RAD51B: variants seen among roughly 807,000 people sequenced by gnomAD.
The protein encoded by RAD51B is RAD51 paralog B.
A neutral mutation model predicts 42.2 loss-of-function variants in RAD51B; 38 were observed. The ratio of observed to expected loss-of-function variants is 0.90; its 90% CI spans 0.70 to 1.18. RAD51B has a LOEUF of 1.18. Ranked by LOEUF, RAD51B falls within the 50% of genes most tolerant of loss-of-function variation. The probability of loss-of-function intolerance (pLI) is 0.00; values close to 1 mark genes in which losing one functional copy is unlikely to be tolerated. For synonymous variants in RAD51B, 154 were observed against 145.2 expected (o/e 1.06, Z -0.43); for missense variants, 373 against 400.7 (o/e 0.93, Z 0.59).
At chr14:67,909,443 G>A (rs115064514) in intron 7 of RAD51B, among the ~76,000 whole-genome samples, 1,546 of 152,232 alleles carry the variant, frequency 0.01, 27 homozygotes, top group African/African-American at 0.035. Flanking sequence ...AAAACTTATT[G>A]CAGACTTTAA....
chr14:68,564,687 C>T (rs1889334681), intron 10 of RAD51B, among the ~76,000 whole-genome samples: 2 of 152,208 alleles, frequency 1.3e-5, no homozygotes, highest in African/African-American at 4.8e-5. Flanking sequence ...TTCCCAAGAG[C>T]CCAGGAGAGG....
chr14:68,548,269 C>T (rs987848679), intron 10 of RAD51B, among the ~76,000 whole-genome samples: 2 of 152,214 alleles, frequency 1.3e-5, no homozygotes, highest in Non-Finnish European at 2.9e-5. Flanking sequence ...CCTCACTCTC[C>T]CGCTGTGGCT....
At chr14:68,525,696 A>C (rs1886878710) in intron 10 of RAD51B, among the ~76,000 whole-genome samples, 1 of 152,146 alleles carries the variant, frequency 6.6e-6, no homozygotes, top group Non-Finnish European at 1.5e-5. Flanking sequence ...GCATTACAAC[A>C]AGCTGCTTTT....
intron 9 of RAD51B, among the ~76,000 whole-genome samples, chr14:68,423,465 A>G (rs909378432): frequency 2.0e-5 from 3 of 152,182 alleles, no homozygotes; most frequent in Admixed American, 1.3e-4. Context: ...GGTGGGTATT[A>G]CTAGATATAC....
At chr14:68,027,631 A>G (rs1327115333) in intron 7 of RAD51B, among the ~76,000 whole-genome samples, 3 of 152,126 alleles carry the variant, frequency 2.0e-5, no homozygotes, top group Admixed American at 2.0e-4. Context: ...TCCACTGTTA[A>G]TACTTCCAAT....
chr14:67,865,102 G>GTGTA lies in RAD51B; in HGVS notation c.416_419dup (p.Ile141ValfsTer3). The stretch of plus-strand genomic sequence containing the variant: ...CATGGGAGGATTAGAAGGAGCTGTG[G>GTGTA]TGTACATTGACACAGAGTCTGCATT... On this transcript the variant is annotated frameshift_variant, in exon 5 of 11. Coordinates refer to ENST00000471583, the MANE Select transcript of RAD51B (RefSeq NM_133510.4). LOFTEE classifies it high-confidence loss of function. 1 of 1,602,424 alleles carries GTGTA rather than the reference G, an allele frequency of 6.2e-7. No homozygotes were observed. Among genetic ancestry groups the GTGTA allele is most frequent in the South Asian group, 1.1e-5 (1 of 90,094 alleles).
intron 8 of RAD51B, among the ~76,000 whole-genome samples, chr14:68,333,750 A>C (rs1304410020): frequency 6.6e-6 from 1 of 152,238 alleles, no homozygotes; most frequent in African/African-American, 2.4e-5. Context: ...TAATTAAACA[A>C]ATGTATTGAT....
chr14:68,390,379 G>A (rs540248985), intron 8 of RAD51B, among the ~76,000 whole-genome samples: 1 of 152,142 alleles, frequency 6.6e-6, no homozygotes, highest in Non-Finnish European at 1.5e-5. Flanking sequence ...TCACATTTGG[G>A]GTCTTCATCC....
At chr14:68,091,644 G>A (rs986655218) in intron 7 of RAD51B, among the ~76,000 whole-genome samples, 1 of 152,032 alleles carries the variant, frequency 6.6e-6, no homozygotes, top group South Asian at 2.1e-4. Context: ...CCCATTCTGT[G>A]GGTTGCCTGT....
chr14:68,046,184 C>A (rs903449301), intron 7 of RAD51B, among the ~76,000 whole-genome samples: 1 of 152,136 alleles, frequency 6.6e-6, no homozygotes, highest in Non-Finnish European at 1.5e-5. Context: ...AGTGCAGTGG[C>A]ACAATCATGG....
chr14:67,986,339 A>G (rs1421193323), intron 7 of RAD51B, among the ~76,000 whole-genome samples: 1 of 152,234 alleles, frequency 6.6e-6, no homozygotes, highest in Non-Finnish European at 1.5e-5. Context: ...TAAGGATGCC[A>G]GAGAATACCA....
At chr14:68,258,231 G>A (rs1795825497) in intron 7 of RAD51B, among the ~76,000 whole-genome samples, 1 of 152,074 alleles carries the variant, frequency 6.6e-6, no homozygotes, top group African/African-American at 2.4e-5. Flanking sequence ...GTGAGACCCT[G>A]TCACCACGAA....
At chr14:68,482,694 G>T (rs767720004), downstream of RAD51B, among the ~76,000 whole-genome samples, 1 of 152,158 alleles carries the variant, frequency 6.6e-6, no homozygotes, top group Non-Finnish European at 1.5e-5. Flanking sequence ...CACAAATGGA[G>T]GGAAGGCACT....
At chr14:68,082,623 T>G (rs903492916) in intron 7 of RAD51B, among the ~76,000 whole-genome samples, 1 of 151,420 alleles carries the variant, frequency 6.6e-6, no homozygotes, top group South Asian at 2.1e-4. Context: ...ACACTATGTC[T>G]TGGAATTCAT....
intron 7 of RAD51B, among the ~76,000 whole-genome samples, chr14:68,123,388 T>C (rs2077691717): frequency 6.6e-6 from 1 of 152,054 alleles, no homozygotes; most frequent in Non-Finnish European, 1.5e-5. Flanking sequence ...GTCAGTATCT[T>C]ATTATGTTGC....
intron 7 of RAD51B, among the ~76,000 whole-genome samples, chr14:68,195,928 A>C (rs1249283437): frequency 7.5e-6 from 1 of 132,534 alleles, no homozygotes; most frequent in African/African-American, 2.9e-5. Flanking sequence ...AAAAAAAACA[A>C]CAATTAGGGG....
At chr14:68,223,271 A>G (rs1566739927) in intron 7 of RAD51B, among the ~76,000 whole-genome samples, 1 of 152,042 alleles carries the variant, frequency 6.6e-6, no homozygotes, top group East Asian at 1.9e-4. Context: ...TTTCTGTCTC[A>G]TTACTTATTA....
intron 10 of RAD51B, among the ~76,000 whole-genome samples, chr14:68,533,212 T>C (rs1887420888): frequency 6.6e-6 from 1 of 152,224 alleles, no homozygotes; most frequent in Non-Finnish European, 1.5e-5. Flanking sequence ...TTCATTGAGT[T>C]TGCTGAATAC....
intron 9 of RAD51B, among the ~76,000 whole-genome samples, chr14:68,434,675 T>C (rs2145425): frequency 0.32 from 49,421 of 152,136 alleles, 8,669 homozygotes; most frequent in East Asian, 0.5. Context: ...GAGAATTCCC[T>C]GACCCCTTGC....
Sources: allele counts gnomAD v4.1 joint callset (sites outside exome capture counted in the v4.1 genomes callset), GRCh38; gene constraint gnomAD v4.1.1; transcripts MANE v1.5; gene names NCBI Gene and HGNC (gene_info 2026-07-23, HGNC 2026-07-21).